The following TRHDE variants were observed in gnomAD, a reference collection of about 807,000 sequenced individuals.
TRHDE encodes thyrotropin-releasing hormone-degrading ectoenzyme.
TRHDE carries 72 observed loss-of-function variants against 125.7 expected under a neutral mutation model. The ratio of observed to expected loss-of-function variants is 0.57; its 90% CI spans 0.47 to 0.70. The LOEUF (loss-of-function observed/expected upper bound fraction) is 0.70, where lower values mean the gene tolerates loss of function less well. Among genes scored for constraint, TRHDE ranks in the 30% least tolerant of loss-of-function variants. The pLI is 0.00. For missense variants in TRHDE, 1,110 were observed against 1,327.1 expected, an observed-to-expected ratio of 0.84 and a Z score of 2.54; for synonymous variants, 509 against 509.1, an observed-to-expected ratio of 1.00 and a Z score of 0.00.
chr12:72,263,962 C>G (rs1879009840), intron 2 of TRHDE: 1 of 151,926 alleles, frequency 6.6e-6, no homozygotes, highest in African/African-American at 2.4e-5. Context: ...GATACAAACA[C>G]TTACACATTC....
chr12:72,260,328 C>T (rs1469555216), intron 2 of TRHDE, among the ~76,000 whole-genome samples: 2 of 150,550 alleles, frequency 1.3e-5, no homozygotes, highest in Non-Finnish European at 2.9e-5. Context: ...GATTCTAGAA[C>T]ATATTACTTA....
intron 3 of TRHDE, among the ~76,000 whole-genome samples, chr12:72,386,399 C>A (rs563718676): frequency 6.6e-6 from 1 of 152,304 alleles, no homozygotes; most frequent in East Asian, 1.9e-4. Context: ...GGTCAACTGG[C>A]ATTGCTCTAG....
At chr12:72,144,510 G>A (rs1876184992) in intron 2 of TRHDE, among the ~76,000 whole-genome samples, 1 of 152,148 alleles carries the variant, frequency 6.6e-6, no homozygotes, top group African/African-American at 2.4e-5. Context: ...TCTTTCCATG[G>A]TTCTCTTTTA....
chr12:72,378,152 G>T, intron 3 of TRHDE, 31 bp downstream of exon 3: 1 of 1,545,406 alleles, frequency 6.5e-7, no homozygotes, highest in South Asian at 1.3e-5. Context: ...TTTATTGGAA[G>T]GGCTCCTTGA....
chr12:72,572,995 C>A (rs1870819440), intron 10 of TRHDE, among the ~76,000 whole-genome samples: 1 of 151,740 alleles, frequency 6.6e-6, no homozygotes, highest in Non-Finnish European at 1.5e-5. Context: ...AACATTATAA[C>A]TTTTTGAAAA....
intron 3 of TRHDE, among the ~76,000 whole-genome samples, chr12:72,451,892 A>G (rs922643716): frequency 6.6e-6 from 1 of 151,984 alleles, no homozygotes; most frequent in Non-Finnish European, 1.5e-5. Flanking sequence ...ACAGTTGTGC[A>G]ATCTTGGCTT....
At chr12:72,092,894 T>C (rs1225448156) in intron 1 of TRHDE, among the ~76,000 whole-genome samples, 2 of 152,186 alleles carry the variant, frequency 1.3e-5, no homozygotes, top group Non-Finnish European at 2.9e-5. Flanking sequence ...AGCACACTCC[T>C]CTCCTCTACC....
chr12:72,624,343 C>CA (rs1375640855), intron 15 of TRHDE, among the ~76,000 whole-genome samples: 1 of 151,424 alleles, frequency 6.6e-6, no homozygotes, highest in Non-Finnish European at 1.5e-5. Context: ...GAGTGATTTA[C>CA]AAAAGTCATC....
chr12:72,585,839 A>C (rs1250486822), intron 12 of TRHDE, among the ~76,000 whole-genome samples: 4 of 152,224 alleles, frequency 2.6e-5, no homozygotes, highest in Non-Finnish European at 4.4e-5. Flanking sequence ...AACAACTCAA[A>C]ATAAAAATCC....
In TRHDE at chr12:72,182,980, T is replaced by C. The variant is rs138419330; in HGVS notation, n.279+77228T>C. Reference sequence around the variant, plus strand: ...ATTAGGAGTCTGTAAAGAGAAATAATATGGGCAGAGGAGGGGAGATATCAA... The same window carrying C: ...ATTAGGAGTCTGTAAAGAGAAATAACATGGGCAGAGGAGGGGAGATATCAA... On this transcript the variant is annotated intron_variant and non_coding_transcript_variant, in intron 2 of 4. Coordinates refer to the TRHDE transcript ENST00000548156. 6.6e-5 allele frequency among the ~76,000 whole-genome samples: 10 copies of C among 152,160 alleles called. No homozygotes were observed. The East Asian group carries it at 1.9e-3, about 29-fold the overall frequency.
At chr12:72,109,837 C>A (rs910872374) in intron 2 of TRHDE, among the ~76,000 whole-genome samples, 1 of 152,008 alleles carries the variant, frequency 6.6e-6, no homozygotes, top group Admixed American at 6.6e-5. Context: ...TGTGGCTGAG[C>A]ACATTCCCTT....
intron 2 of TRHDE, among the ~76,000 whole-genome samples, chr12:72,144,292 TC>T (rs1876179797): frequency 6.6e-6 from 1 of 152,254 alleles, no homozygotes; most frequent in Non-Finnish European, 1.5e-5. Context: ...TCCTCTGCAA[TC>T]CACCCATCCT....
At chr12:72,351,690 T>C (rs567743714) in intron 2 of TRHDE, among the ~76,000 whole-genome samples, 1 of 152,060 alleles carries the variant, frequency 6.6e-6, no homozygotes, top group East Asian at 1.9e-4. Flanking sequence ...TTTCCATTCT[T>C]AGTGTCTTTC....
At chr12:72,158,763 T>G (rs1282393325) in intron 2 of TRHDE, among the ~76,000 whole-genome samples, 1 of 152,238 alleles carries the variant, frequency 6.6e-6, no homozygotes, top group Non-Finnish European at 1.5e-5. Context: ...TCCTAAGATA[T>G]CTGCAAATTC....
chr12:72,379,569 G>A (rs954519817), intron 3 of TRHDE, among the ~76,000 whole-genome samples: 7 of 152,290 alleles, frequency 4.6e-5, no homozygotes, highest in African/African-American at 1.4e-4. Flanking sequence ...TGCTTATATT[G>A]CAAGTACAGC....
intron 3 of TRHDE, among the ~76,000 whole-genome samples, chr12:72,386,870 A>G (rs1872440657): frequency 1.3e-5 from 2 of 151,936 alleles, no homozygotes; most frequent in African/African-American, 4.8e-5. Context: ...TCAGGGCAAC[A>G]CTTTTTTTCT....
At chr12:72,618,826 T>G (rs199683139) in intron 12 of TRHDE, 65 bp from the exon 13 acceptor site, 22 of 1,358,544 alleles carry the variant, frequency 1.6e-5, no homozygotes, top group Non-Finnish European at 9.7e-6. Context: ...TTCCGTCTTT[T>G]ATTTGCGTAA....
At chr12:72,581,213 A>G (rs955740273) in intron 12 of TRHDE, among the ~76,000 whole-genome samples, 1 of 152,220 alleles carries the variant, frequency 6.6e-6, no homozygotes, top group Non-Finnish European at 1.5e-5. Flanking sequence ...GAAATTATTT[A>G]TCAGTTATTA....
intron 2 of TRHDE, among the ~76,000 whole-genome samples, chr12:72,213,222 G>T (rs1222016092): frequency 1.3e-5 from 2 of 152,022 alleles, no homozygotes; most frequent in East Asian, 3.9e-4. Flanking sequence ...CTGTTAATGG[G>T]TATTGGTTGC....
Sources: gnomAD v4.1 joint callset for allele counts (sites outside exome capture counted in the v4.1 genomes callset) on GRCh38, gnomAD v4.1.1 for gene constraint, MANE v1.5 for transcripts, NCBI Gene and HGNC (gene_info 2026-07-23, HGNC 2026-07-21) for gene names.